The following LHFPL3 variants were observed in gnomAD, a reference collection of about 807,000 sequenced individuals.
LHFPL3 encodes the protein LHFPL tetraspan subfamily member 3.
A neutral mutation model predicts 19.3 loss-of-function variants in LHFPL3; 5 were observed. The observed-to-expected ratio is 0.26, with a 90% CI of 0.14 to 0.54. The LOEUF (loss-of-function observed/expected upper bound fraction) is 0.54, where lower values mean the gene tolerates loss of function less well. Among genes scored for constraint, LHFPL3 ranks in the 20% least tolerant of loss-of-function variants. The pLI is 0.94. For missense variants in LHFPL3, 249 were observed against 307.4 expected (o/e 0.81, Z 1.42); for synonymous variants, 133 against 126.2 (o/e 1.05, Z -0.36).
chr7:104,880,535 T>C (rs1234736362), intron 2 of LHFPL3, among the ~76,000 whole-genome samples: 1 of 152,158 alleles, frequency 6.6e-6, no homozygotes, highest in African/African-American at 2.4e-5. Flanking sequence ...CTGAAAATCT[T>C]AGGGTCCTTA....
intron 2 of LHFPL3, among the ~76,000 whole-genome samples, chr7:104,813,439 T>C (rs1790512242): frequency 6.6e-6 from 1 of 152,194 alleles, no homozygotes; most frequent in Non-Finnish European, 1.5e-5. Context: ...ATTTTTCTGG[T>C]CGGAAAACTC....
At chr7:104,518,797 T>TGATAGATAGATA (rs56373754) in intron 1 of LHFPL3, among the ~76,000 whole-genome samples, 1,411 of 138,628 alleles carry the variant, frequency 0.01, 12 homozygotes, top group East Asian at 0.02. Flanking sequence ...AATAAATAGA[T>TGATAGATAGATA]GATAGATAGA....
chr7:104,570,434 C>A (rs540673109), intron 1 of LHFPL3, among the ~76,000 whole-genome samples: 66 of 152,316 alleles, frequency 4.3e-4, no homozygotes, highest in African/African-American at 1.5e-3. Flanking sequence ...ACACTATTGT[C>A]TACTAACCAT....
chr7:104,813,112 T>G lies in LHFPL3; in HGVS notation c.682+76201T>G, dbSNP rs918252718. Among the ~76,000 whole-genome samples the G allele has an allele frequency of 5.9e-5, 9 of 151,630 alleles. No individual in the cohort carries two copies. The East Asian group carries it at 1.8e-3, about 30-fold the overall frequency. On this transcript the variant is annotated intron_variant, in intron 2 of 2. Coordinates refer to ENST00000424859, the MANE Select transcript of LHFPL3 (RefSeq NM_199000.3). ...CTAGGCAACAGAGCAAGACTTCATCTCGGGGAGAAAAAAAAATTAGATGGG... is the reference window on the plus strand; with the variant it reads ...CTAGGCAACAGAGCAAGACTTCATCGCGGGGAGAAAAAAAAATTAGATGGG...
intron 1 of LHFPL3, among the ~76,000 whole-genome samples, chr7:104,488,321 C>T (rs1018776761): frequency 1.2e-4 from 19 of 152,132 alleles, no homozygotes; most frequent in African/African-American, 4.1e-4. Flanking sequence ...GGTAGAAATA[C>T]TGAGTAACAG....
intron 1 of LHFPL3, among the ~76,000 whole-genome samples, chr7:104,369,682 C>T (rs1026416345): frequency 5.3e-5 from 8 of 152,170 alleles, no homozygotes; most frequent in Non-Finnish European, 8.8e-5. Flanking sequence ...ATATCCTTGC[C>T]CACACTTGGT....
intron 1 of LHFPL3, among the ~76,000 whole-genome samples, chr7:104,557,037 C>T (rs918829461): frequency 3.3e-5 from 5 of 152,166 alleles, no homozygotes; most frequent in African/African-American, 1.2e-4. Flanking sequence ...ATGTCATTGT[C>T]CATATTATTA....
chr7:104,653,254 T>A (rs1792062910), intron 1 of LHFPL3, among the ~76,000 whole-genome samples: 1 of 152,206 alleles, frequency 6.6e-6, no homozygotes, highest in African/African-American at 2.4e-5. Context: ...GGTCAAAGTT[T>A]GGTCAAAGAG....
At chr7:104,495,016 TTCAAAA>T (rs1377957817) in intron 1 of LHFPL3, among the ~76,000 whole-genome samples, 1 of 152,166 alleles carries the variant, frequency 6.6e-6, no homozygotes, top group Non-Finnish European at 1.5e-5. Context: ...CCCTTCCTCT[TTCAAAA>T]TCCATAGCAA....
Position 104,383,296 on chromosome 7 carries a change from G to A in LHFPL3, c.445+54072G>A, listed in dbSNP as rs986745994. Among the ~76,000 whole-genome samples, 5 of 152,182 alleles carry A rather than the reference G, an allele frequency of 3.3e-5. No individual in the cohort carries two copies. The East Asian group carries it at 5.8e-4, about 18-fold the overall frequency. Reference sequence around the variant, plus strand: ...TCAGATAGTGTAAGTACAAACTATAGGTAGGGTCTTGGGCCACAAGGACCG... The same window carrying A: ...TCAGATAGTGTAAGTACAAACTATAAGTAGGGTCTTGGGCCACAAGGACCG... On this transcript the variant is annotated intron_variant, in intron 1 of 2. Coordinates refer to ENST00000424859, the MANE Select transcript of LHFPL3 (RefSeq NM_199000.3).
chr7:104,674,372 C>CTTTTTTTTTTT (rs531335106), intron 1 of LHFPL3, among the ~76,000 whole-genome samples: 2 of 134,700 alleles, frequency 1.5e-5, no homozygotes, highest in Non-Finnish European at 1.6e-5. Context: ...TTTTCTTTTT[C>CTTTTTTTTTTT]TTTTTTTTTT....
At chr7:104,884,920 G>T (rs901311319) in intron 2 of LHFPL3, among the ~76,000 whole-genome samples, 1 of 152,144 alleles carries the variant, frequency 6.6e-6, no homozygotes, top group Non-Finnish European at 1.5e-5. Context: ...GAAGTGGAGT[G>T]GGAGGTGCAA....
At chr7:104,655,530 T>A (rs770714032) in intron 1 of LHFPL3, among the ~76,000 whole-genome samples, 21 of 152,090 alleles carry the variant, frequency 1.4e-4, no homozygotes, top group Non-Finnish European at 2.2e-4. Context: ...AAATGAAAAA[T>A]CTAATTGGTT....
At chr7:104,802,413 T>C (rs1790270010) in intron 2 of LHFPL3, among the ~76,000 whole-genome samples, 1 of 149,280 alleles carries the variant, frequency 6.7e-6, no homozygotes, top group Non-Finnish European at 1.5e-5. Context: ...GAGGATTGCT[T>C]GAACCTGGAA....
chr7:104,622,028 A>G (rs1461493465), intron 1 of LHFPL3, among the ~76,000 whole-genome samples: 1 of 152,232 alleles, frequency 6.6e-6, no homozygotes, highest in Non-Finnish European at 1.5e-5. Flanking sequence ...CTTAATATGC[A>G]TAAACAAAGA....
intron 1 of LHFPL3, among the ~76,000 whole-genome samples, chr7:104,423,872 G>A (rs965644995): frequency 3.3e-5 from 5 of 152,102 alleles, no homozygotes; most frequent in African/African-American, 1.2e-4. Context: ...GAAAAACCAG[G>A]CTTGTTCAGG....
chr7:104,714,006 G>A (rs1437545819), intron 1 of LHFPL3, among the ~76,000 whole-genome samples: 1 of 152,208 alleles, frequency 6.6e-6, no homozygotes, highest in South Asian at 2.1e-4. Flanking sequence ...CTAAGACTGG[G>A]TTAAGTCTCA....
chr7:104,807,435 T>C (rs1312527073), intron 2 of LHFPL3, among the ~76,000 whole-genome samples: 1 of 152,182 alleles, frequency 6.6e-6, no homozygotes, highest in African/African-American at 2.4e-5. Flanking sequence ...TTCAGTTGTT[T>C]AAGCCACACC....
chr7:104,807,040 T>TGTGC (rs992623552), intron 2 of LHFPL3, among the ~76,000 whole-genome samples: 4 of 151,598 alleles, frequency 2.6e-5, no homozygotes, highest in Non-Finnish European at 5.9e-5. Context: ...TGTGTGTGTG[T>TGTGC]GTGTGTGTGT....
Sources: allele counts gnomAD v4.1 joint callset (sites outside exome capture counted in the v4.1 genomes callset), GRCh38; gene constraint gnomAD v4.1.1; transcripts MANE v1.5; gene names NCBI Gene and HGNC (gene_info 2026-07-23, HGNC 2026-07-21).